CPED1: variants seen among roughly 807,000 people sequenced by gnomAD.
CPED1 encodes the protein cadherin like and PC-esterase domain containing 1.
CPED1 carries 114 observed loss-of-function variants against 128.2 expected under a neutral mutation model. The observed-to-expected ratio is 0.89, with a 90% CI of 0.76 to 1.04. CPED1 has a LOEUF of 1.04. Among genes scored for constraint, CPED1 ranks in the 50% least tolerant of loss-of-function variants. The probability of loss-of-function intolerance (pLI) is 0.00; values close to 1 mark genes in which losing one functional copy is unlikely to be tolerated. For missense variants in CPED1, 1,211 were observed against 1,207.1 expected, an observed-to-expected ratio of 1.00 and a Z score of -0.05; for synonymous variants, 462 against 426.7, an observed-to-expected ratio of 1.08 and a Z score of -1.02.
chr7:121,191,137 T>G (rs1797127302), intron 16 of CPED1, among the ~76,000 whole-genome samples: 1 of 152,078 alleles, frequency 6.6e-6, no homozygotes, highest in Admixed American at 6.6e-5. Flanking sequence ...GATAGGTGCT[T>G]GGGGGAAAAA....
At chr7:121,091,365 C>A (rs116767600) in intron 5 of CPED1, among the ~76,000 whole-genome samples, 1 of 152,194 alleles carries the variant, frequency 6.6e-6, no homozygotes, top group Non-Finnish European at 1.5e-5. Context: ...AGTAAAGATA[C>A]TGTGTTTTAT....
chr7:121,039,328 T>C (rs1792985181), intron 3 of CPED1, among the ~76,000 whole-genome samples: 1 of 152,112 alleles, frequency 6.6e-6, no homozygotes, highest in Admixed American at 6.6e-5. Flanking sequence ...CCTTTGTTGT[T>C]ACTTTTTTGT....
intron 7 of CPED1, among the ~76,000 whole-genome samples, chr7:121,112,816 T>G (rs1358262442): frequency 6.6e-6 from 1 of 152,148 alleles, no homozygotes. Context: ...ATAGGAAGAA[T>G]TTGTGACCAT....
chr7:121,146,141 A>G (rs1304955225), intron 16 of CPED1, among the ~76,000 whole-genome samples: 4 of 152,116 alleles, frequency 2.6e-5, no homozygotes, highest in Non-Finnish European at 4.4e-5. Flanking sequence ...GGAGGCTGGG[A>G]AGTCCAAAAT....
chr7:121,036,504 TATA>T (rs1792893849), intron 3 of CPED1, among the ~76,000 whole-genome samples: 2 of 135,878 alleles, frequency 1.5e-5, no homozygotes, highest in African/African-American at 6.1e-5. Flanking sequence ...TATATATATA[TATA>T]TTTTTTTTTT....
In CPED1 at chr7:121,124,360, A is replaced by G. The variant is rs948320383; in HGVS notation, c.948A>G (p.Arg316=). The change falls in exon 8 of 23, where the codon AGA becomes AGG. Residue 316 remains arginine (R), a synonymous_variant. Transcript: ENST00000310396. ...KLQTFFETFL[R]ASSPQQAFDI... Reference sequence around the variant, plus strand: ...AAACATTTTTTGAGACATTCCTGAGAGCCAGTTCACCTCAACAGGCTTTTG... The same window carrying G: ...AAACATTTTTTGAGACATTCCTGAGGGCCAGTTCACCTCAACAGGCTTTTG... 4.3e-6 allele frequency: 7 copies of G among 1,609,972 alleles called. No individual in the cohort carries two copies. Among genetic ancestry groups the G allele is most frequent in the African/African-American group, 1.3e-5 (1 of 74,754 alleles).
intron 14 of CPED1, among the ~76,000 whole-genome samples, chr7:121,140,325 T>C (rs894004150): frequency 2.0e-5 from 3 of 151,994 alleles, no homozygotes; most frequent in Admixed American, 6.6e-5. Context: ...TTTGGTATAA[T>C]GCTGGAGTTT....
intron 7 of CPED1, among the ~76,000 whole-genome samples, chr7:121,116,313 A>T (rs1795233328): frequency 6.6e-6 from 1 of 152,226 alleles, no homozygotes; most frequent in African/African-American, 2.4e-5. Context: ...GAGTAAAAGT[A>T]TCCTAATTTA....
intron 3 of CPED1, among the ~76,000 whole-genome samples, chr7:121,016,064 A>G (rs1255796482): frequency 1.3e-5 from 2 of 151,874 alleles, no homozygotes; most frequent in Non-Finnish European, 2.9e-5. Flanking sequence ...TTTCATTTAT[A>G]TTTTTGTAGC....
At chr7:121,192,159 C>T (rs903847289) in intron 16 of CPED1, among the ~76,000 whole-genome samples, 4 of 152,030 alleles carry the variant, frequency 2.6e-5, no homozygotes, top group African/African-American at 4.8e-5. Flanking sequence ...ATAATTGGCT[C>T]TTTCTTGGGT....
intron 2 of CPED1, among the ~76,000 whole-genome samples, chr7:120,999,652 T>G (rs1791772181): frequency 6.6e-6 from 1 of 152,210 alleles, no homozygotes. Context: ...TACGAGGCTC[T>G]CAAGAGATGT....
At chr7:121,261,129 A>C (rs566827255) in intron 18 of CPED1, among the ~76,000 whole-genome samples, 1 of 152,226 alleles carries the variant, frequency 6.6e-6, no homozygotes, top group East Asian at 1.9e-4. Context: ...TAAAATATTT[A>C]AAAGTCTAAG....
At chr7:120,991,638 A>G (rs924334026) in intron 2 of CPED1, among the ~76,000 whole-genome samples, 1 of 152,156 alleles carries the variant, frequency 6.6e-6, no homozygotes, top group African/African-American at 2.4e-5. Flanking sequence ...GGCATATGTT[A>G]GCTGTTATTT....
At chr7:121,129,312 CGTATATATATAT>C (rs1795598975) in intron 11 of CPED1, among the ~76,000 whole-genome samples, 3 of 13,650 alleles carry the variant, frequency 2.2e-4, no homozygotes. Context: ...TATATATATA[CGTATATATATAT>C]ATATATATAT....
intron 16 of CPED1, among the ~76,000 whole-genome samples, chr7:121,170,187 T>C (rs1193092554): frequency 6.6e-6 from 1 of 152,186 alleles, no homozygotes; most frequent in Non-Finnish European, 1.5e-5. Context: ...TGTCTAGTTT[T>C]TGCAGCAGCT....
At chr7:121,233,023 G>T (rs1041752568) in intron 16 of CPED1, among the ~76,000 whole-genome samples, 7 of 152,098 alleles carry the variant, frequency 4.6e-5, no homozygotes, top group Non-Finnish European at 8.8e-5. Flanking sequence ...TGAAGTGGGT[G>T]TCCAGAGGAA....
At chr7:121,100,313 T>C (rs1366374515) in intron 7 of CPED1, among the ~76,000 whole-genome samples, 3 of 152,194 alleles carry the variant, frequency 2.0e-5, no homozygotes, top group Non-Finnish European at 2.9e-5. Context: ...GCTACATTCT[T>C]TTTTCTCAAT....
At chr7:121,186,553 C>T (rs917069621) in intron 16 of CPED1, among the ~76,000 whole-genome samples, 2 of 152,030 alleles carry the variant, frequency 1.3e-5, no homozygotes, top group Non-Finnish European at 2.9e-5. Flanking sequence ...ACATAGGGCA[C>T]TATACACACA....
At chr7:121,228,017 C>T (rs1009539190) in intron 16 of CPED1, among the ~76,000 whole-genome samples, 1 of 152,006 alleles carries the variant, frequency 6.6e-6, no homozygotes, top group African/African-American at 2.4e-5. Flanking sequence ...GGATTAAAGA[C>T]TTAAATGTAA....
Sources: allele counts gnomAD v4.1 joint callset (sites outside exome capture counted in the v4.1 genomes callset), GRCh38; gene constraint gnomAD v4.1.1; transcripts MANE v1.5; gene names NCBI Gene and HGNC (gene_info 2026-07-23, HGNC 2026-07-21).